SLIT3: variants seen among roughly 807,000 people sequenced by gnomAD.
SLIT3 encodes the protein slit guidance ligand 3.
Under a neutral mutation model 184.0 loss-of-function variants are expected in SLIT3, and 68 were observed. The observed-to-expected ratio is 0.37, with a 90% CI of 0.30 to 0.45. SLIT3 has a LOEUF of 0.45. Among genes scored for constraint, SLIT3 ranks in the 20% least tolerant of loss-of-function variants. The probability of loss-of-function intolerance (pLI) is 1.00; values close to 1 mark genes in which losing one functional copy is unlikely to be tolerated. For synonymous variants in SLIT3, 831 were observed against 828.6 expected (o/e 1.00, Z -0.05); for missense variants, 1,707 against 2,026.0 (o/e 0.84, Z 3.02).
chr5:168,873,065 C>T lies in SLIT3; in HGVS notation c.485+10200G>A, dbSNP rs946848926. On this transcript the variant is annotated intron_variant, in intron 5 of 35. Transcript: ENST00000519560. ...AAGCCAGAAATGCTTTTCCAACACT[C>T]CCCATGAATCTGTCTGTATCTGCTG... 9.9e-5 allele frequency among the ~76,000 whole-genome samples: 15 copies of T among 152,166 alleles called. No individual in the cohort carries two copies. The East Asian group carries it at 1.5e-3, about 16-fold the overall frequency.
chr5:169,129,076 G>A (rs978396756), intron 4 of SLIT3, among the ~76,000 whole-genome samples: 2 of 152,148 alleles, frequency 1.3e-5, no homozygotes, highest in Non-Finnish European at 2.9e-5. Context: ...TCCTTGGTAA[G>A]CTGCTTGTTC....
At chr5:169,055,984 T>A in intron 4 of SLIT3, among the ~76,000 whole-genome samples, 1 of 152,158 alleles carries the variant, frequency 6.6e-6, no homozygotes, top group South Asian at 2.1e-4. Flanking sequence ...GCAAGAGGCA[T>A]AACATGATCT....
intron 3 of SLIT3, among the ~76,000 whole-genome samples, chr5:169,230,611 C>A (rs1764971143): frequency 6.6e-6 from 1 of 152,108 alleles, no homozygotes; most frequent in African/African-American, 2.4e-5. Context: ...AAACTTTAAA[C>A]GTTGCACTCC....
At chr5:168,680,997 A>C (rs1454485273) in intron 32 of SLIT3, among the ~76,000 whole-genome samples, 1 of 152,174 alleles carries the variant, frequency 6.6e-6, no homozygotes, top group Non-Finnish European at 1.5e-5. Flanking sequence ...CCAGAAAAAA[A>C]CAAAAATTAG....
chr5:168,889,748 T>C (rs1212131457), intron 4 of SLIT3, among the ~76,000 whole-genome samples: 1 of 152,220 alleles, frequency 6.6e-6, no homozygotes, highest in Non-Finnish European at 1.5e-5. Flanking sequence ...TGGATAGTCC[T>C]AAGTTTCTGT....
chr5:168,983,040 G>A (rs186120003), intron 4 of SLIT3, among the ~76,000 whole-genome samples: 3 of 152,234 alleles, frequency 2.0e-5, no homozygotes, highest in Admixed American at 2.0e-4. Context: ...CCATGTTATT[G>A]AAGTCATGGA....
intron 4 of SLIT3, among the ~76,000 whole-genome samples, chr5:168,988,107 A>G (rs1329087539): frequency 1.3e-5 from 2 of 152,178 alleles, no homozygotes; most frequent in African/African-American, 4.8e-5. Context: ...CACCTGTATT[A>G]AGGTGTCAGG....
chr5:169,219,268 T>C (rs1764544975), intron 3 of SLIT3, among the ~76,000 whole-genome samples: 1 of 152,212 alleles, frequency 6.6e-6, no homozygotes, highest in Non-Finnish European at 1.5e-5. Context: ...GGTTCCAGTG[T>C]AACAGCAGCA....
intron 4 of SLIT3, among the ~76,000 whole-genome samples, chr5:169,130,099 G>A (rs546321291): frequency 2.0e-4 from 30 of 152,082 alleles, no homozygotes; most frequent in Admixed American, 6.5e-4. Context: ...CACCCATCTC[G>A]GCCTCCCCAG....
chr5:168,849,255 G>C (rs988758726), intron 5 of SLIT3, among the ~76,000 whole-genome samples: 7 of 152,124 alleles, frequency 4.6e-5, no homozygotes, highest in Admixed American at 4.6e-4. Context: ...AGATGTTCTG[G>C]GGGCCCAGCA....
At chr5:168,788,255 G>C (rs893930299) in intron 11 of SLIT3, among the ~76,000 whole-genome samples, 33 of 152,100 alleles carry the variant, frequency 2.2e-4, no homozygotes, top group African/African-American at 7.2e-4. Flanking sequence ...TCTCACACAT[G>C]GTCCCATCTT....
chr5:168,706,115 C>T (rs1762365177), intron 26 of SLIT3, among the ~76,000 whole-genome samples: 1 of 152,186 alleles, frequency 6.6e-6, no homozygotes, highest in Admixed American at 6.5e-5. Flanking sequence ...AAACTAGCAA[C>T]ATACCACCTG....
At chr5:169,134,670 A>G (rs1282860158) in intron 4 of SLIT3, among the ~76,000 whole-genome samples, 1 of 152,190 alleles carries the variant, frequency 6.6e-6, no homozygotes, top group Non-Finnish European at 1.5e-5. Flanking sequence ...TGATGGGTGC[A>G]GCAAACCAAC....
At chr5:169,277,110 G>A (rs992816778) in intron 1 of SLIT3, among the ~76,000 whole-genome samples, 1 of 152,020 alleles carries the variant, frequency 6.6e-6, no homozygotes, top group African/African-American at 2.4e-5. Flanking sequence ...TCTACTTTAT[G>A]TCTTTATAAA....
At chr5:169,204,706 T>G (rs1581052269) in intron 3 of SLIT3, among the ~76,000 whole-genome samples, 1 of 152,190 alleles carries the variant, frequency 6.6e-6, no homozygotes, top group Admixed American at 6.5e-5. Context: ...TGGTGGTGGG[T>G]GTCTGTGGAG....
chr5:168,674,931 A>G (rs530101083), intron 32 of SLIT3, among the ~76,000 whole-genome samples: 5 of 152,300 alleles, frequency 3.3e-5, no homozygotes, highest in Non-Finnish European at 7.3e-5. Context: ...AATTCTATGA[A>G]GTGGGTGCCA....
At chr5:169,098,864 T>C (rs929061214) in intron 4 of SLIT3, among the ~76,000 whole-genome samples, 1 of 152,142 alleles carries the variant, frequency 6.6e-6, no homozygotes, top group Non-Finnish European at 1.5e-5. Flanking sequence ...CCGGAGGAAT[T>C]CTACTGATTA....
At chr5:168,828,799 G>T (rs1180567106) in intron 6 of SLIT3, among the ~76,000 whole-genome samples, 3 of 152,156 alleles carry the variant, frequency 2.0e-5, no homozygotes, top group African/African-American at 7.2e-5. Context: ...TGTTTAATGA[G>T]CTTTCCAGAG....
intron 4 of SLIT3, among the ~76,000 whole-genome samples, chr5:168,973,142 T>C (rs1310811888): frequency 6.6e-6 from 1 of 152,128 alleles, no homozygotes; most frequent in Non-Finnish European, 1.5e-5. Context: ...ATGACAGCCA[T>C]GAATATAACT....
Sources: gnomAD v4.1 joint callset for allele counts (sites outside exome capture counted in the v4.1 genomes callset) on GRCh38, gnomAD v4.1.1 for gene constraint, MANE v1.5 for transcripts, NCBI Gene and HGNC (gene_info 2026-07-23, HGNC 2026-07-21) for gene names.